TMC7: variants seen among roughly 807,000 people sequenced by gnomAD.
TMC7 encodes transmembrane channel-like protein 7.
In TMC7, 54 loss-of-function variants were observed where a neutral mutation model predicts 82.9. That is an observed-to-expected ratio of 0.65 (90% confidence interval 0.52 to 0.82). TMC7 has a LOEUF of 0.82. Among genes scored for constraint, TMC7 ranks in the 40% least tolerant of loss-of-function variants. The pLI, the probability that TMC7 is intolerant of heterozygous loss-of-function variation, is 0.00. For missense variants in TMC7, 820 were observed against 901.2 expected, an observed-to-expected ratio of 0.91 and a Z score of 1.15; for synonymous variants, 350 against 337.9, an observed-to-expected ratio of 1.04 and a Z score of -0.39.
chr16:19,052,231 T>C (rs1961572982), intron 13 of TMC7, among the ~76,000 whole-genome samples: 1 of 152,168 alleles, frequency 6.6e-6, no homozygotes, highest in Non-Finnish European at 1.5e-5. Context: ...TGTGCCTTTA[T>C]TGGCTTTTCT....
intron 15 of TMC7, among the ~76,000 whole-genome samples, chr16:19,060,641 C>T (rs1490107577): frequency 2.0e-5 from 3 of 152,122 alleles, no homozygotes; most frequent in African/African-American, 7.2e-5. Context: ...GACAGTGTGG[C>T]CACAGGGTGG....
At chr16:19,051,636 C>T in intron 12 of TMC7, 50 bp from the exon 13 acceptor site, 1 of 1,603,644 alleles carries the variant, frequency 6.2e-7, no homozygotes, top group Non-Finnish European at 8.5e-7. Flanking sequence ...TTTATCTTCA[C>T]AGAAGCTGTA....
At position 19,035,736 on chromosome 16, in the gene TMC7, C is replaced by A. The variant is rs757581788; in HGVS notation, c.918C>A (p.Cys306Ter). 6.2e-7 allele frequency: 1 copy of A among 1,613,656 alleles called. No individual in the cohort carries two copies. Among genetic ancestry groups the A allele is most frequent in the African/African-American group, 1.3e-5 (1 of 74,862 alleles). Residue 306 changes from cysteine (C) to a stop codon, truncating the protein, a stop_gained, in exon 7 of 16, where the codon TGC becomes TGA. Transcript: ENST00000304381. LOFTEE classifies it high-confidence loss of function. The stretch of plus-strand genomic sequence containing the variant: ...GTGAGGAGCACTTTCAGAGTTACTG[C>A]AACAAGATATTTGCCGGCTGGGACT... ...IRSEEHFQSY[C>*]NKIFAGWDFC...
At chr16:18,987,007 G>A (rs1383905536) in intron 1 of TMC7, among the ~76,000 whole-genome samples, 5 of 151,910 alleles carry the variant, frequency 3.3e-5, no homozygotes, top group African/African-American at 4.8e-5. Context: ...GGGTTTCACC[G>A]TCTTAGCCAG....
chr16:19,053,615 C>T (rs940613474), intron 13 of TMC7, among the ~76,000 whole-genome samples: 8 of 152,098 alleles, frequency 5.3e-5, no homozygotes, highest in African/African-American at 9.7e-5. Flanking sequence ...GTTGGTCAGG[C>T]TGGTATCAAA....
intron 1 of TMC7, among the ~76,000 whole-genome samples, chr16:18,999,019 T>A (rs1281195614): frequency 6.6e-6 from 1 of 152,206 alleles, no homozygotes; most frequent in East Asian, 1.9e-4. Context: ...TCTGGGCTGC[T>A]GTGATTGAGG....
intron 3 of TMC7, among the ~76,000 whole-genome samples, chr16:19,018,148 CAT>C (rs1316309612): frequency 1.5e-4 from 23 of 152,058 alleles, no homozygotes; most frequent in Non-Finnish European, 4.4e-5. Flanking sequence ...AAAACAAAAA[CAT>C]AAATAAACAA....
In TMC7 at chr16:19,012,787, TCAAAAA is replaced by T. The variant is rs1260995183; in HGVS notation, c.311+3373_311+3378del. ...CTGGGCGACAGAGTGAGATTCCATCTCAAAAAAAAAAAAAAAAAAAAAAAAAAAAAA... is the reference window on the plus strand; with the variant it reads ...CTGGGCGACAGAGTGAGATTCCATCTAAAAAAAAAAAAAAAAAAAAAAAAA... On this transcript the variant is annotated intron_variant, in intron 2 of 15. Transcript: ENST00000304381. Among the ~76,000 whole-genome samples the T allele has an allele frequency of 5.7e-3, 70 of 12,260 alleles. 1 individual carries two copies. The highest frequency in any genetic ancestry group is 3.2e-3 in the Non-Finnish European group (26 of 8,010). The allele number at this position is 12,260 out of a possible 152,430, so 8.0% of individuals were successfully genotyped here.
At chr16:18,991,763 G>C (rs1276630529) in intron 1 of TMC7, among the ~76,000 whole-genome samples, 2 of 152,084 alleles carry the variant, frequency 1.3e-5, no homozygotes, top group Non-Finnish European at 2.9e-5. Context: ...AGGCCCCGGT[G>C]TGTGATGTTC....
intron 3 of TMC7, among the ~76,000 whole-genome samples, chr16:19,018,947 TTCAAGTGATTCC>T (rs539719135): frequency 6.6e-6 from 1 of 152,316 alleles, no homozygotes; most frequent in East Asian, 1.9e-4. Context: ...GCCTCACAAG[TTCAAGTGATTCC>T]CCTGCTTCAG....
intron 1 of TMC7, among the ~76,000 whole-genome samples, chr16:18,985,204 A>G (rs1242148965): frequency 1.3e-5 from 2 of 151,818 alleles, no homozygotes; most frequent in East Asian, 3.9e-4. Flanking sequence ...GGTTGCAGTG[A>G]GCCGAGATTG....
intron 5 of TMC7, among the ~76,000 whole-genome samples, chr16:19,027,758 C>T (rs886944774): frequency 2.0e-5 from 3 of 152,024 alleles, no homozygotes; most frequent in African/African-American, 7.2e-5. Context: ...CTTAATTACC[C>T]AGATAATATA....
chr16:19,018,499 C>G (rs968485021), intron 3 of TMC7, among the ~76,000 whole-genome samples: 1 of 152,184 alleles, frequency 6.6e-6, no homozygotes, highest in African/African-American at 2.4e-5. Flanking sequence ...ACACCACTCT[C>G]AAGACCTCAT....
chr16:19,020,384 AT>A (rs1279651282), intron 3 of TMC7, among the ~76,000 whole-genome samples: 2 of 152,194 alleles, frequency 1.3e-5, no homozygotes, highest in African/African-American at 4.8e-5. Flanking sequence ...AAAGGAAGAA[AT>A]AAAATGTCAT....
At chr16:18,984,511 A>G in intron 1 of TMC7, 1 of 1,041,096 alleles carries the variant, frequency 9.6e-7, no homozygotes, top group Non-Finnish European at 1.2e-6. Context: ...CGGACATTTC[A>G]GCCTTCACAT....
chr16:19,005,891 T>G (rs2039231400), intron 1 of TMC7, among the ~76,000 whole-genome samples: 1 of 152,160 alleles, frequency 6.6e-6, no homozygotes, highest in Admixed American at 6.5e-5. Flanking sequence ...GTGAGGCTCG[T>G]AGACTTGCAC....
intron 12 of TMC7, among the ~76,000 whole-genome samples, chr16:19,047,947 C>T (rs911907468): frequency 2.0e-5 from 3 of 151,884 alleles, no homozygotes; most frequent in Non-Finnish European, 2.9e-5. Context: ...GATCCACCCG[C>T]CTCGGCCTCC....
At position 19,016,562 on chromosome 16, in the gene TMC7, C is replaced by T; in HGVS notation, c.424C>T (p.Leu142=). 2 of 1,614,084 alleles carry T rather than the reference C, an allele frequency of 1.2e-6. No homozygotes were observed. The highest frequency in any genetic ancestry group is 1.7e-6 in the Non-Finnish European group (2 of 1,180,024). ...LEKAREMTTH[L]ELWREDIRSI... ...GAAGGCTCGAGAGATGACGACCCAC[C>T]TGGAGCTGTGGCGGGAGGACATCCG... Residue 142 remains leucine (L), a synonymous_variant, in exon 3 of 16, where the codon CTG becomes TTG. Transcript: ENST00000304381.
Position 19,062,001 on chromosome 16 carries a change from C to A in TMC7, c.*158C>A. The stretch of plus-strand genomic sequence containing the variant: ...TATGTGCAGCTGTGTTTACCTAACC[C>A]AGCCCTTAATTAGGGCTTCAGTGAC... On this transcript the variant is annotated 3_prime_UTR_variant, in exon 16 of 16. Transcript: ENST00000304381. The A allele has an allele frequency of 2.0e-6, 1 of 494,856 alleles. No homozygotes were observed. Among genetic ancestry groups the A allele is most frequent in the Non-Finnish European group, 3.4e-6 (1 of 292,130 alleles). The allele number at this position is 494,856 out of a possible 1,614,324, so 30.7% of individuals were successfully genotyped here. A position where few individuals can be genotyped will look rare whatever the true frequency, so the allele number is the denominator to read the frequency against.
Sources: allele counts gnomAD v4.1 joint callset (sites outside exome capture counted in the v4.1 genomes callset), GRCh38; gene constraint gnomAD v4.1.1; transcripts MANE v1.5; gene names NCBI Gene and HGNC (gene_info 2026-07-23, HGNC 2026-07-21).